The following PTK2 variants were observed in gnomAD, a reference collection of about 807,000 sequenced individuals.
The protein encoded by PTK2 is protein tyrosine kinase 2, also known as focal adhesion kinase 1.
A neutral mutation model predicts 150.1 loss-of-function variants in PTK2; 45 were observed. That is an observed-to-expected ratio of 0.30 (90% confidence interval 0.24 to 0.38). The LOEUF (loss-of-function observed/expected upper bound fraction) is 0.38. Among genes scored for constraint, PTK2 ranks in the 10% least tolerant of loss-of-function variants. The pLI is 1.00. For missense variants in PTK2, 919 were observed against 1,307.3 expected, an observed-to-expected ratio of 0.70 and a Z score of 4.58; for synonymous variants, 432 against 449.2, an observed-to-expected ratio of 0.96 and a Z score of 0.48.
chr8:140,972,443 T>A (rs2100187652), intron 1 of PTK2, among the ~76,000 whole-genome samples: 1 of 152,186 alleles, frequency 6.6e-6, no homozygotes, highest in Non-Finnish European at 1.5e-5. Flanking sequence ...TTCTGTATTT[T>A]TAGCAGAAAC....
chr8:140,998,579 G>A (rs2154610448), intron 1 of PTK2, among the ~76,000 whole-genome samples: 1 of 152,142 alleles, frequency 6.6e-6, no homozygotes, highest in East Asian at 1.9e-4. Context: ...AGCACTTTGG[G>A]AGGCCAAGGT....
At chr8:140,736,224 C>T (rs1012473324) in intron 21 of PTK2, among the ~76,000 whole-genome samples, 14 of 152,224 alleles carry the variant, frequency 9.2e-5, no homozygotes, top group African/African-American at 3.4e-4. Context: ...TTGGCAGCAC[C>T]GTGGAAACAA....
chr8:140,675,408 G>A, intron 28 of PTK2, 52 bp downstream of exon 31: 4 of 1,583,084 alleles, frequency 2.5e-6, no homozygotes, highest in Middle Eastern at 1.7e-4. Flanking sequence ...TTCAAAACCT[G>A]CTTTCATCAA....
chr8:140,961,712 A>G (rs1001735097), intron 1 of PTK2, among the ~76,000 whole-genome samples: 1 of 152,084 alleles, frequency 6.6e-6, no homozygotes, highest in Non-Finnish European at 1.5e-5. Flanking sequence ...AATCAGTCTC[A>G]CCAAGTTAAT....
chr8:140,853,515 T>C (rs933732118), intron 5 of PTK2, among the ~76,000 whole-genome samples: 27 of 152,072 alleles, frequency 1.8e-4, no homozygotes, highest in African/African-American at 6.3e-4. Context: ...ACAAAGGACA[T>C]GAACTCATCC....
At chr8:140,775,370 A>G (rs1045154890) in intron 14 of PTK2, among the ~76,000 whole-genome samples, 5 of 152,132 alleles carry the variant, frequency 3.3e-5, no homozygotes, top group African/African-American at 1.2e-4. Flanking sequence ...TTGTAGTCAT[A>G]GCTACTTGGG....
intron 1 of PTK2, among the ~76,000 whole-genome samples, chr8:140,979,860 G>C (rs1411376685): frequency 2.6e-5 from 4 of 152,144 alleles, no homozygotes; most frequent in Non-Finnish European, 4.4e-5. Context: ...CCATGATTGT[G>C]GGGCCTCCCC....
intron 1 of PTK2, among the ~76,000 whole-genome samples, chr8:140,958,545 T>C (rs1201061053): frequency 6.6e-6 from 1 of 152,206 alleles, no homozygotes; most frequent in African/African-American, 2.4e-5. Flanking sequence ...TAAGATGTTA[T>C]CCATCATAAT....
intron 23 of PTK2, among the ~76,000 whole-genome samples, chr8:140,715,624 A>G (rs1285521460): frequency 2.6e-5 from 4 of 152,204 alleles, no homozygotes; most frequent in African/African-American, 9.6e-5. Flanking sequence ...ATACAAATAA[A>G]TGAGTGTGTT....
At chr8:140,929,440 CACTG>C (rs886928766) in intron 1 of PTK2, among the ~76,000 whole-genome samples, 7 of 152,260 alleles carry the variant, frequency 4.6e-5, no homozygotes, top group Admixed American at 2.0e-4. Context: ...AATAACCAAT[CACTG>C]ACTAAGGGCT....
At chr8:140,989,532 A>T (rs1373692383) in intron 1 of PTK2, among the ~76,000 whole-genome samples, 1 of 144,024 alleles carries the variant, frequency 6.9e-6, no homozygotes, top group African/African-American at 2.7e-5. Flanking sequence ...AATGAATTTA[A>T]AAAAAAAAAA....
intron 13 of PTK2, 42 bp downstream of exon 13, chr8:140,793,312 T>C (rs748554576): frequency 1.3e-6 from 2 of 1,587,636 alleles, no homozygotes; most frequent in Non-Finnish European, 1.7e-6. Flanking sequence ...CCTTAAACTT[T>C]CCAACAAAAC....
intron 1 of PTK2, among the ~76,000 whole-genome samples, chr8:140,943,424 T>C (rs956126246): frequency 1.3e-5 from 2 of 152,248 alleles, no homozygotes; most frequent in South Asian, 2.1e-4. Flanking sequence ...AGTTCCTTTT[T>C]ATTGCTGTAT....
chr8:140,791,678 C>A lies in PTK2; in HGVS notation c.1124+1676G>T, dbSNP rs969232532. ...ATGCTCTCCTGGCTTGGGGGTGGGT[C>A]AATGAGGTTTCTACAGGAAGTGATG... On this transcript the variant is annotated intron_variant, in intron 13 of 31. Transcript: ENST00000522684. Among the ~76,000 whole-genome samples, 7 of 152,038 alleles carry A rather than the reference C, an allele frequency of 4.6e-5. No individual in the cohort carries two copies. In the East Asian group the frequency reaches 1.4e-3, roughly 30 times the overall value.
At chr8:140,696,329 G>A (rs944987359) in intron 26 of PTK2, among the ~76,000 whole-genome samples, 8 of 152,184 alleles carry the variant, frequency 5.3e-5, no homozygotes, top group East Asian at 1.9e-4. Flanking sequence ...AGGAACTTAC[G>A]TTTTATTAGA....
intron 4 of PTK2, among the ~76,000 whole-genome samples, chr8:140,877,118 C>T (rs1301939259): frequency 8.6e-5 from 13 of 150,366 alleles, no homozygotes; most frequent in African/African-American, 7.4e-5. Context: ...CTGCAACCTC[C>T]GCCTCCCAGG....
At chr8:140,984,724 A>G (rs1171678891) in intron 1 of PTK2, among the ~76,000 whole-genome samples, 1 of 151,936 alleles carries the variant, frequency 6.6e-6, no homozygotes, top group Non-Finnish European at 1.5e-5. Context: ...CCTTTCCTCC[A>G]CACCCATCCT....
intron 1 of PTK2, among the ~76,000 whole-genome samples, chr8:140,998,801 A>C (rs968168735): frequency 1.4e-5 from 2 of 145,236 alleles, no homozygotes; most frequent in South Asian, 4.3e-4. Context: ...CCTGGGCCAC[A>C]GGGTGAGACT....
exon 12 of PTK2, chr8:140,800,564 T>C (rs2100094444): frequency 6.2e-7 from 1 of 1,613,192 alleles, no homozygotes; most frequent in African/African-American, 1.3e-5. Context: ...GATGGTGCCG[T>C]CACTGTCAGA....
Sources: gnomAD v4.1 joint callset for allele counts (sites outside exome capture counted in the v4.1 genomes callset) on GRCh38, gnomAD v4.1.1 for gene constraint, MANE v1.5 for transcripts, NCBI Gene and HGNC (gene_info 2026-07-23, HGNC 2026-07-21) for gene names.